The following RNF38 variants were observed in gnomAD, a reference collection of about 807,000 sequenced individuals.
RNF38 encodes the protein ring finger protein 38.
In RNF38, 15 loss-of-function variants were observed where a neutral mutation model predicts 67.2. That is an observed-to-expected ratio of 0.22 (90% CI 0.15 to 0.34). The LOEUF is 0.34. Among genes scored for constraint, RNF38 ranks in the 10% least tolerant of loss-of-function variants. The pLI, the probability that RNF38 is intolerant of heterozygous loss-of-function variation, is 1.00. For missense variants in RNF38, 524 were observed against 639.9 expected, an observed-to-expected ratio of 0.82 and a Z score of 1.95; for synonymous variants, 220 against 218.8, an observed-to-expected ratio of 1.01 and a Z score of -0.05.
At chr9:36,343,695 G>C (rs761223284) in intron 10 of RNF38, among the ~76,000 whole-genome samples, 1 of 151,962 alleles carries the variant, frequency 6.6e-6, no homozygotes, top group Non-Finnish European at 1.5e-5. Flanking sequence ...AAAAAAATAT[G>C]ATCTATACAA....
At chr9:36,373,860 T>C (rs1835580452) in intron 3 of RNF38, among the ~76,000 whole-genome samples, 1 of 151,698 alleles carries the variant, frequency 6.6e-6, no homozygotes, top group Non-Finnish European at 1.5e-5. Flanking sequence ...CCCGGCTAAT[T>C]TTGTATTTTT....
chr9:36,345,655 T>C (rs969888974), intron 9 of RNF38, among the ~76,000 whole-genome samples: 2 of 152,214 alleles, frequency 1.3e-5, no homozygotes, highest in Admixed American at 6.5e-5. Context: ...ACCTAAAATA[T>C]TAACACTAAT....
intron 4 of RNF38, among the ~76,000 whole-genome samples, chr9:36,366,305 A>C (rs1294122579): frequency 6.6e-6 from 1 of 152,204 alleles, no homozygotes; most frequent in Non-Finnish European, 1.5e-5. Context: ...TCAAAATTCC[A>C]ATTATGTCAT....
intron 1 of RNF38, among the ~76,000 whole-genome samples, chr9:36,477,967 A>T (rs759132928): frequency 1.3e-5 from 2 of 152,084 alleles, no homozygotes; most frequent in Non-Finnish European, 2.9e-5. Flanking sequence ...ACTGCACTCC[A>T]GAGTGGGCAA....
intron 1 of RNF38, among the ~76,000 whole-genome samples, chr9:36,430,280 C>T (rs1248990533): frequency 6.6e-6 from 1 of 152,136 alleles, no homozygotes; most frequent in Non-Finnish European, 1.5e-5. Flanking sequence ...GATCTCAGCT[C>T]ACTACAACCT....
chr9:36,379,653 C>A (rs1045712531), intron 2 of RNF38, among the ~76,000 whole-genome samples: 2 of 151,942 alleles, frequency 1.3e-5, no homozygotes, highest in African/African-American at 4.8e-5. Context: ...CAGAAGTAAC[C>A]CAGAGAGTAC....
At chr9:36,388,268 C>A (rs1367348456) in intron 2 of RNF38, among the ~76,000 whole-genome samples, 1 of 151,882 alleles carries the variant, frequency 6.6e-6, no homozygotes, top group Non-Finnish European at 1.5e-5. Context: ...ATATAGATGT[C>A]TGCTTTACAT....
chr9:36,353,104 A>C (rs559599473), intron 7 of RNF38, 66 bp downstream of exon 7: 2 of 1,360,088 alleles, frequency 1.5e-6, no homozygotes, highest in Admixed American at 3.5e-5. Context: ...AATTATACTA[A>C]AACATAACTC....
At chr9:36,454,828 C>T (rs1054527482) in intron 1 of RNF38, among the ~76,000 whole-genome samples, 1 of 152,178 alleles carries the variant, frequency 6.6e-6, no homozygotes, top group East Asian at 1.9e-4. Context: ...AAATGATCCA[C>T]CCGCCTCGGT....
chr9:36,451,405 G>A (rs1261572976), intron 1 of RNF38, among the ~76,000 whole-genome samples: 3 of 150,572 alleles, frequency 2.0e-5, no homozygotes, highest in Non-Finnish European at 3.0e-5. Context: ...GCTGGAGGTC[G>A]CAGTGAGCCG....
At chr9:36,444,094 CAAT>C (rs1264603396) in intron 1 of RNF38, among the ~76,000 whole-genome samples, 1 of 152,006 alleles carries the variant, frequency 6.6e-6, no homozygotes, top group Non-Finnish European at 1.5e-5. Flanking sequence ...TTAGCAACTA[CAAT>C]AATGTTTTCA....
Position 36,482,048 on chromosome 9 carries a change from CTTTT to C in RNF38, n.241+5256_241+5259del, listed in dbSNP as rs767211095. Among the ~76,000 whole-genome samples, 326 of 119,286 alleles carry C rather than the reference CTTTT, an allele frequency of 2.7e-3. 2 individuals carry two copies. The highest frequency in any genetic ancestry group is 0.01 in the East Asian group (44 of 4,292). The allele number at this position is 119,286 out of a possible 152,430, so 78.3% of individuals were successfully genotyped here. A position where few individuals can be genotyped will look rare whatever the true frequency, so the allele number is the denominator to read the frequency against. On this transcript the variant is annotated intron_variant and non_coding_transcript_variant, in intron 1 of 3. Transcript: ENST00000488058. ...TCCTCCATTTACCAGATACTTTTGT[CTTTT>C]TTTTTTTTTTTTTTTTTTGAGACGA...
At chr9:36,392,737 C>T (rs1481244564) in intron 1 of RNF38, among the ~76,000 whole-genome samples, 1 of 152,158 alleles carries the variant, frequency 6.6e-6, no homozygotes, top group East Asian at 1.9e-4. Flanking sequence ...TATACTCCAG[C>T]CTGGTCAACA....
intron 1 of RNF38, among the ~76,000 whole-genome samples, chr9:36,439,229 G>A (rs1036772612): frequency 5.3e-5 from 8 of 152,160 alleles, no homozygotes; most frequent in Non-Finnish European, 1.0e-4. Flanking sequence ...TAACATCACT[G>A]GCAGGAAAAA....
At position 36,361,107 on chromosome 9, in the gene RNF38, G is replaced by A. The variant is rs1028392370; in HGVS notation, c.571-3165C>T. ...GCAGGGATTACAGGCATGAACCACC[G>A]CGCTTGGCCAAGTACCATATTTTGC... On this transcript the variant is annotated intron_variant, in intron 4 of 11. Transcript: ENST00000259605. 2.6e-5 allele frequency among the ~76,000 whole-genome samples: 4 copies of A among 151,512 alleles called. No homozygotes were observed. The South Asian group carries it at 6.3e-4, about 24-fold the overall frequency.
intron 1 of RNF38, among the ~76,000 whole-genome samples, chr9:36,451,648 G>T (rs1289511070): frequency 2.0e-5 from 3 of 151,404 alleles, no homozygotes. Context: ...TTACAGGCAT[G>T]TGCCACCATG....
At chr9:36,352,253 C>T (rs923184311) in intron 8 of RNF38, among the ~76,000 whole-genome samples, 2 of 151,598 alleles carry the variant, frequency 1.3e-5, no homozygotes, top group African/African-American at 2.4e-5. Flanking sequence ...TGAGCCGAGC[C>T]GAGGTGGTGC....
chr9:36,358,450 T>A (rs1834288523), intron 4 of RNF38, among the ~76,000 whole-genome samples: 1 of 152,234 alleles, frequency 6.6e-6, no homozygotes, highest in South Asian at 2.1e-4. Flanking sequence ...TCCATGAACA[T>A]ATGAAAGCAC....
chr9:36,454,267 G>A (rs1839530841), intron 1 of RNF38, among the ~76,000 whole-genome samples: 1 of 151,856 alleles, frequency 6.6e-6, no homozygotes, highest in African/African-American at 2.4e-5. Flanking sequence ...GGGATTACAG[G>A]CATCCGCCAC....
Sources: gnomAD v4.1 joint callset for allele counts (sites outside exome capture counted in the v4.1 genomes callset) on GRCh38, gnomAD v4.1.1 for gene constraint, MANE v1.5 for transcripts, NCBI Gene and HGNC (gene_info 2026-07-23, HGNC 2026-07-21) for gene names.